NCKAP5: variants seen among roughly 807,000 people sequenced by gnomAD.
NCKAP5 encodes the protein nck-associated protein 5.
Under a neutral mutation model 167.0 loss-of-function variants are expected in NCKAP5, and 92 were observed. The observed-to-expected ratio is 0.55, with a 90% CI of 0.47 to 0.66. The LOEUF (loss-of-function observed/expected upper bound fraction) is 0.66, where lower values mean the gene tolerates loss of function less well. NCKAP5 is among the 30% of genes least tolerant of loss of function. The pLI is 0.00. For missense variants in NCKAP5, 2,378 were observed against 2,315.0 expected, an observed-to-expected ratio of 1.03 and a Z score of -0.56; for synonymous variants, 891 against 877.4, an observed-to-expected ratio of 1.02 and a Z score of -0.27.
At chr2:133,375,891 T>C (rs1483922835) in intron 3 of NCKAP5, among the ~76,000 whole-genome samples, 1 of 152,174 alleles carries the variant, frequency 6.6e-6, no homozygotes, top group Admixed American at 6.5e-5. Context: ...GGTGTATAAA[T>C]GAATACAGAA....
the NCKAP5 span, among the ~76,000 whole-genome samples, chr2:133,620,210 A>T: frequency 6.6e-6 from 1 of 152,098 alleles, no homozygotes; most frequent in Admixed American, 6.6e-5. Context: ...AAAATATAGC[A>T]CAATGAATAG....
At chr2:133,530,964 G>A (rs1358105674) in intron 2 of NCKAP5, among the ~76,000 whole-genome samples, 2 of 152,146 alleles carry the variant, frequency 1.3e-5, no homozygotes, top group Non-Finnish European at 2.9e-5. Flanking sequence ...GATTCTAGGT[G>A]AGAACAACAA....
At chr2:132,908,496 G>A (rs971392334) in intron 8 of NCKAP5, among the ~76,000 whole-genome samples, 4 of 152,134 alleles carry the variant, frequency 2.6e-5, no homozygotes, top group South Asian at 4.1e-4. Flanking sequence ...AATATCCTCC[G>A]ACTGTCTTAG....
the NCKAP5 span, among the ~76,000 whole-genome samples, chr2:133,644,014 A>G: frequency 6.6e-6 from 1 of 152,120 alleles, no homozygotes; most frequent in African/African-American, 2.4e-5. Flanking sequence ...CTGTCACTAC[A>G]TTTTGGCTAA....
the NCKAP5 span, among the ~76,000 whole-genome samples, chr2:133,650,595 C>T: frequency 6.6e-6 from 1 of 152,156 alleles, no homozygotes; most frequent in African/African-American, 2.4e-5. Flanking sequence ...TTCCAGGAGG[C>T]TGAGTGTGGT....
At chr2:133,182,042 T>C (rs1004992904) in intron 5 of NCKAP5, among the ~76,000 whole-genome samples, 7 of 152,018 alleles carry the variant, frequency 4.6e-5, no homozygotes, top group Non-Finnish European at 1.0e-4. Context: ...TATAAAATGG[T>C]CTATTCACCA....
intron 3 of NCKAP5, among the ~76,000 whole-genome samples, chr2:133,462,889 G>T (rs200597454): frequency 6.6e-6 from 1 of 152,074 alleles, no homozygotes; most frequent in South Asian, 2.1e-4. Context: ...ATCTTCCACC[G>T]GCCCTACTCC....
At chr2:133,502,411 C>G (rs562260227) in intron 3 of NCKAP5, among the ~76,000 whole-genome samples, 1 of 152,114 alleles carries the variant, frequency 6.6e-6, no homozygotes, top group Non-Finnish European at 1.5e-5. Flanking sequence ...AAAGGCAGCC[C>G]TCTAGTGTGT....
At chr2:132,986,841 C>A (rs754548297) in intron 7 of NCKAP5, among the ~76,000 whole-genome samples, 1 of 152,058 alleles carries the variant, frequency 6.6e-6, no homozygotes, top group Non-Finnish European at 1.5e-5. Context: ...CTTAAGCATA[C>A]CCTGAGAATG....
chr2:133,071,469 A>AC (rs1480780462), intron 6 of NCKAP5, among the ~76,000 whole-genome samples: 4 of 152,156 alleles, frequency 2.6e-5, no homozygotes, highest in African/African-American at 9.7e-5. Context: ...AAACAAACAA[A>AC]AAAAAATCAC....
intron 11 of NCKAP5, among the ~76,000 whole-genome samples, chr2:132,849,604 C>T (rs58519694): frequency 0.071 from 10,781 of 152,118 alleles, 760 homozygotes; most frequent in African/African-American, 0.16. Flanking sequence ...TCTCACAAGA[C>T]GAGAAAGGAA....
chr2:133,108,717 G>T (rs1053555229), intron 6 of NCKAP5, among the ~76,000 whole-genome samples: 3 of 151,998 alleles, frequency 2.0e-5, no homozygotes, highest in Admixed American at 6.5e-5. Flanking sequence ...CCAATCCCTG[G>T]CAACCACCAT....
At chr2:133,420,576 G>A (rs1689410018) in intron 3 of NCKAP5, among the ~76,000 whole-genome samples, 1 of 152,194 alleles carries the variant, frequency 6.6e-6, no homozygotes, top group Admixed American at 6.5e-5. Flanking sequence ...TTAATGGGTG[G>A]AAAGTATGTA....
intron 5 of NCKAP5, among the ~76,000 whole-genome samples, chr2:133,180,619 G>A (rs768752565): frequency 1.3e-5 from 2 of 152,108 alleles, no homozygotes; most frequent in Admixed American, 6.5e-5. Context: ...GATTACAGAC[G>A]TGAGCCACTG....
At chr2:133,569,614 A>G (rs1457798054), upstream of NCKAP5, among the ~76,000 whole-genome samples, 9 of 152,166 alleles carry the variant, frequency 5.9e-5, no homozygotes, top group African/African-American at 4.8e-5. Context: ...GGCAGGAACA[A>G]GGTTAGCTGA....
intron 4 of NCKAP5, among the ~76,000 whole-genome samples, chr2:133,299,101 T>G (rs1445097939): frequency 6.6e-6 from 1 of 151,988 alleles, no homozygotes; most frequent in Admixed American, 6.6e-5. Flanking sequence ...TCGAACAGAC[T>G]TCACTGAATT....
intron 6 of NCKAP5, among the ~76,000 whole-genome samples, chr2:133,011,050 G>A (rs1234340086): frequency 1.3e-5 from 2 of 152,252 alleles, no homozygotes; most frequent in East Asian, 3.9e-4. Context: ...AAATTCCCAA[G>A]TGATAGGATT....
chr2:132,948,991 G>T (rs1465077960), intron 8 of NCKAP5, among the ~76,000 whole-genome samples: 1 of 120,854 alleles, frequency 8.3e-6, no homozygotes, highest in African/African-American at 3.6e-5. Context: ...AAGCAACAAA[G>T]ATCCAGAGAA....
chr2:132,944,604 G>A (rs1167726289), intron 8 of NCKAP5, among the ~76,000 whole-genome samples: 4 of 152,128 alleles, frequency 2.6e-5, no homozygotes, highest in Admixed American at 6.5e-5. Context: ...ACCTCACCAC[G>A]ATGTTGCTAT....
Sources: gnomAD v4.1 joint callset for allele counts (sites outside exome capture counted in the v4.1 genomes callset) on GRCh38, gnomAD v4.1.1 for gene constraint, MANE v1.5 for transcripts, NCBI Gene and HGNC (gene_info 2026-07-23, HGNC 2026-07-21) for gene names.